Variants in ATP6V0A1 observed in about 807,000 individuals in gnomAD.
The protein encoded by ATP6V0A1 is ATPase H+ transporting V0 subunit a1.
In ATP6V0A1, 43 loss-of-function variants were observed where a neutral mutation model predicts 105.4. The ratio of observed to expected loss-of-function variants is 0.41; its 90% confidence interval spans 0.32 to 0.53. The LOEUF is 0.53. Ranked by LOEUF, ATP6V0A1 falls within the 20% of genes least tolerant of loss-of-function variation. The pLI is 0.30. For missense variants in ATP6V0A1, 676 were observed against 1,051.1 expected, an observed-to-expected ratio of 0.64 and a Z score of 4.93; for synonymous variants, 362 against 372.8, an observed-to-expected ratio of 0.97 and a Z score of 0.33.
At chr17:42,480,640 C>A in intron 7 of ATP6V0A1, 27 bp from the exon 8 acceptor site, 1 of 1,593,714 alleles carries the variant, frequency 6.3e-7, no homozygotes, top group Non-Finnish European at 8.5e-7. Context: ...GAAGTCTGAA[C>A]TCTTGTTTTT....
At chr17:42,466,103 C>T (rs1335965905) in intron 2 of ATP6V0A1, among the ~76,000 whole-genome samples, 1 of 152,180 alleles carries the variant, frequency 6.6e-6, no homozygotes, top group Non-Finnish European at 1.5e-5. Context: ...CCAGAGAGAG[C>T]TTCTGTGATA....
chr17:42,520,427 C>G (rs1407347505), intron 21 of ATP6V0A1: 1 of 456,362 alleles, frequency 2.2e-6, no homozygotes, highest in South Asian at 1.5e-5. Context: ...CAGGCTTTTT[C>G]TTTTTAGTCC....
intron 21 of ATP6V0A1, chr17:42,520,792 C>G (rs754053501): frequency 3.9e-6 from 2 of 517,976 alleles, no homozygotes; most frequent in African/African-American, 1.9e-5. Context: ...ACACACTGCT[C>G]GGCAGGACAG....
In ATP6V0A1 at chr17:42,487,334, T is replaced by TGA; in HGVS notation, c.991_992dup (p.Asp331GlufsTer23). On this transcript the variant is annotated frameshift_variant, in exon 10 of 22. Transcript: ENST00000343619. LOFTEE classifies it high-confidence loss of function. ...AGGTCTGGTGCCCTGTCACCGACCT[T>TGA]GACTCCATCCAGTTTGCACTCAGAA... 1 of 1,614,088 alleles carries TGA rather than the reference T, an allele frequency of 6.2e-7. No homozygotes were observed. The highest frequency in any genetic ancestry group is 1.1e-5 in the South Asian group (1 of 91,074).
chr17:42,459,872 A>G (rs2086205518), intron 1 of ATP6V0A1, among the ~76,000 whole-genome samples: 1 of 152,230 alleles, frequency 6.6e-6, no homozygotes. Flanking sequence ...CTTTGATGTC[A>G]GACTCATCTA....
chr17:42,514,380 T>C lies in ATP6V0A1; in HGVS notation c.2340T>C (p.Thr780=). ...GTTTGGTGCTGTTCTTCTTCTTCAC[T>C]GCCTTTGCCACCCTGACCGTGGCCA... The part of the protein sequence containing the change: ...AGGLVLFFFF[T]AFATLTVAIL... Residue 780 remains threonine, a synonymous_variant, in exon 21 of 22, where the codon ACT becomes ACC. Transcript: ENST00000343619. 6.2e-7 allele frequency: 1 copy of C among 1,613,930 alleles called. No individual in the cohort carries two copies. The highest frequency in any genetic ancestry group is 8.5e-7 in the Non-Finnish European group (1 of 1,179,890).
chr17:42,459,402 C>T (rs1409573643), intron 1 of ATP6V0A1, among the ~76,000 whole-genome samples: 2 of 152,146 alleles, frequency 1.3e-5, no homozygotes, highest in Non-Finnish European at 2.9e-5. Context: ...TTCTTCTAGG[C>T]AGGGCGCGGG....
At position 42,489,451 on chromosome 17, in the gene ATP6V0A1, G is replaced by A. The variant is rs752080206; in HGVS notation, c.1024-1036G>A. 3.3e-5 allele frequency among the ~76,000 whole-genome samples: 5 copies of A among 152,118 alleles called. No homozygotes were observed. The South Asian group carries it at 1.0e-3, about 32-fold the overall frequency. On this transcript the variant is annotated intron_variant, in intron 10 of 21. Transcript: ENST00000343619. ...ATTGAGGAGTGAAGAGATTCTGTAG[G>A]TAGGGGTTCAGTTAGGAGGTTATTG...
At chr17:42,462,714 C>T (rs985998974) in intron 2 of ATP6V0A1, among the ~76,000 whole-genome samples, 4 of 152,078 alleles carry the variant, frequency 2.6e-5, no homozygotes, top group Non-Finnish European at 4.4e-5. Flanking sequence ...GCCACCATAC[C>T]TGGCCAACAG....
intron 21 of ATP6V0A1, among the ~76,000 whole-genome samples, chr17:42,514,868 C>T (rs895314434): frequency 9.9e-5 from 15 of 152,146 alleles, no homozygotes; most frequent in Non-Finnish European, 4.4e-5. Flanking sequence ...AAGGCTAGAA[C>T]ACGCTGCACC....
At chr17:42,510,992 T>A (rs2092319712) in intron 19 of ATP6V0A1, 1 of 152,094 alleles carries the variant, frequency 6.6e-6, no homozygotes, top group African/African-American at 2.4e-5. Flanking sequence ...GACTCTCCAG[T>A]CTGCTGGACA....
intron 4 of ATP6V0A1, 140 bp from the exon 5 acceptor site, chr17:42,469,949 TA>T: frequency 2.3e-6 from 2 of 886,470 alleles, no homozygotes; most frequent in Non-Finnish European, 3.3e-6. Context: ...ATTGCTCTAG[TA>T]AAATCACAGT....
intron 13 of ATP6V0A1, among the ~76,000 whole-genome samples, 184 bp downstream of exon 13, chr17:42,495,372 ATT>A (rs371402666): frequency 1.4e-5 from 2 of 141,810 alleles, no homozygotes; most frequent in Admixed American, 7.1e-5. Context: ...ATTAGAAATG[ATT>A]TTTTTTTTTT....
intron 2 of ATP6V0A1, among the ~76,000 whole-genome samples, chr17:42,463,169 AT>A (rs901294242): frequency 9.8e-5 from 8 of 81,838 alleles, no homozygotes; most frequent in South Asian, 6.1e-4. Flanking sequence ...AGCCCGGCTA[AT>A]TTTTTTTTTC....
At chr17:42,467,315 A>T (rs2087219845) in intron 3 of ATP6V0A1, among the ~76,000 whole-genome samples, 1 of 152,196 alleles carries the variant, frequency 6.6e-6, no homozygotes, top group South Asian at 2.1e-4. Context: ...CTTGCCCTAG[A>T]TCATAAACAG....
chr17:42,485,785 G>GACC (rs1567833025), intron 9 of ATP6V0A1, among the ~76,000 whole-genome samples: 2 of 152,108 alleles, frequency 1.3e-5, no homozygotes, highest in South Asian at 4.1e-4. Context: ...TGGAACTCTT[G>GACC]ACCTCAAACA....
At chr17:42,494,599 C>A in intron 12 of ATP6V0A1, 126 bp downstream of exon 12, 1 of 1,185,094 alleles carries the variant, frequency 8.4e-7, no homozygotes. Flanking sequence ...AAGTTATGTT[C>A]ATTTTAACAC....
intron 11 of ATP6V0A1, among the ~76,000 whole-genome samples, chr17:42,491,362 G>A (rs1230749358): frequency 6.6e-6 from 1 of 152,094 alleles, no homozygotes; most frequent in East Asian, 1.9e-4. Flanking sequence ...CCATGCTGGA[G>A]TGCAGTGGCG....
At chr17:42,468,169 T>A in intron 4 of ATP6V0A1, 62 bp downstream of exon 4, 2 of 1,168,156 alleles carry the variant, frequency 1.7e-6, no homozygotes. Flanking sequence ...ATTACTTTCC[T>A]GAGCAGATAG....
Sources: gnomAD v4.1 joint callset for allele counts (sites outside exome capture counted in the v4.1 genomes callset) on GRCh38, gnomAD v4.1.1 for gene constraint, MANE v1.5 for transcripts, NCBI Gene and HGNC (gene_info 2026-07-23, HGNC 2026-07-21) for gene names.